SNX33: variants seen among roughly 807,000 people sequenced by gnomAD.
SNX33 encodes the protein sorting nexin-33.
Under a neutral mutation model 38.8 loss-of-function variants are expected in SNX33, and 19 were observed. The observed-to-expected ratio is 0.49, with a 90% confidence interval of 0.34 to 0.72. SNX33 has a LOEUF of 0.72. Among genes scored for constraint, SNX33 ranks in the 30% least tolerant of loss-of-function variants. The pLI is 0.01. For synonymous variants in SNX33, 246 were observed against 289.7 expected (o/e 0.85, Z 1.53); for missense variants, 641 against 776.4 (o/e 0.83, Z 2.07).
chr15:75,649,066 C>T lies in SNX33; in HGVS notation c.-37C>T, dbSNP rs1414451229. ...GAGCATCCCCGGTCTGGGCAGGACC[C>T]TCTCCTTCCCATCTTTCTATACCAC... On this transcript the variant is annotated 5_prime_UTR_variant, in exon 1 of 2. Coordinates refer to ENST00000308527, the MANE Select transcript of SNX33 (RefSeq NM_153271.2). This position sits in a 1 kb window ranked among gnomAD's most constrained non-coding sequence, Gnocchi z 6.6. The T allele has an allele frequency of 6.5e-7, 1 of 1,546,804 alleles. No homozygotes were observed. Among genetic ancestry groups the T allele is most frequent in the Admixed American group, 1.9e-5 (1 of 51,834 alleles).
chr15:75,651,048 T>C (rs1419417835), intron 1 of SNX33, among the ~76,000 whole-genome samples: 2 of 152,236 alleles, frequency 1.3e-5, no homozygotes, highest in African/African-American at 4.8e-5. Context: ...CCATCATGCA[T>C]GGTGTCATGC....
At position 75,650,527 on chromosome 15, in the gene SNX33, C is replaced by T. The variant is rs759248544; in HGVS notation, c.1425C>T (p.Tyr475=). ...LFQMLDTLSL[Y]QGLLSNFPDI... Reference sequence around the variant, plus strand: ...AGATGCTGGACACACTGTCTCTCTACCAGGGCCTGCTCTCCAACTTCCCTG... The same window carrying T: ...AGATGCTGGACACACTGTCTCTCTATCAGGGCCTGCTCTCCAACTTCCCTG... Residue 475 remains tyrosine, a synonymous_variant, in exon 1 of 2, where the codon TAC becomes TAT. Coordinates refer to ENST00000308527, the MANE Select transcript of SNX33 (RefSeq NM_153271.2). This position sits in a 1 kb window ranked among gnomAD's most constrained non-coding sequence, Gnocchi z 6.1. The T allele has an allele frequency of 6.2e-7, 1 of 1,611,064 alleles. No individual in the cohort carries two copies. The highest frequency in any genetic ancestry group is 2.2e-5 in the East Asian group (1 of 44,872).
Position 75,649,643 on chromosome 15 carries a change from C to G in SNX33, c.541C>G (p.Arg181Gly). ...ASAKRGSVVG[R>G]NLNRFSCFVR... ...TGCCAAGCGAGGCAGTGTGGTGGGC[C>G]GTAACCTCAACCGTTTCTCATGCTT... Residue 181 changes from arginine (R) to glycine (G), a missense_variant, in exon 1 of 2, where the codon CGT (arginine) becomes GGT (glycine). Physicochemically the swap from Arg to Gly is moderately radical, Grantham distance 125. Around this residue, in one of 2 missense-constraint regions of SNX33, gnomAD observed 243 missense variants for 233.9 expected, o/e 1.04. Coordinates refer to ENST00000308527, the MANE Select transcript of SNX33 (RefSeq NM_153271.2). The surrounding 1 kb of genome is among the most constrained non-coding windows in gnomAD (Gnocchi z 6.6). 6.2e-7 allele frequency: 1 copy of G among 1,607,480 alleles called. No individual in the cohort carries two copies.
Position 75,649,993 on chromosome 15 carries a change from C to A in SNX33, c.891C>A (p.Arg297=). ...PHLPEKQATG[R]FEEDFIEKRK... is the part of the protein sequence containing the mutation. ...TGCCTGAGAAGCAGGCCACTGGCCG[C>A]TTCGAGGAGGACTTCATCGAAAAGC... The change falls in exon 1 of 2, where the codon CGC becomes CGA. Residue 297 remains arginine (R), a synonymous_variant. Coordinates refer to ENST00000308527, the MANE Select transcript of SNX33 (RefSeq NM_153271.2). This position sits in a 1 kb window ranked among gnomAD's most constrained non-coding sequence, Gnocchi z 6.6. The A allele has an allele frequency of 6.2e-7, 1 of 1,601,960 alleles. No individual in the cohort carries two copies.
At chr15:75,656,471 G>T (rs1353699102) in intron 1 of SNX33, among the ~76,000 whole-genome samples, 2 of 152,200 alleles carry the variant, frequency 1.3e-5, no homozygotes, top group African/African-American at 4.8e-5. Context: ...AGCTAGGAAA[G>T]GTGCCCAGCT....
In SNX33 at chr15:75,649,794, C is replaced by T. The variant is rs775834713; in HGVS notation, c.692C>T (p.Ala231Val). ...PQWKANPHPF[A>V]CSVEDPTKQT... ...TGGAAGGCCAATCCCCACCCATTTG[C>T]CTGCTCTGTGGAGGACCCCACAAAA... The change falls in exon 1 of 2, where the codon GCC becomes GTC. Residue 231 changes from alanine to valine, a missense_variant. Around this residue, in one of 2 missense-constraint regions of SNX33, gnomAD observed 398 missense variants for 542.5 expected, o/e 0.73. Coordinates refer to ENST00000308527, the MANE Select transcript of SNX33 (RefSeq NM_153271.2). This position sits in a 1 kb window ranked among gnomAD's most constrained non-coding sequence, Gnocchi z 6.6. 3.9e-6 allele frequency: 6 copies of T among 1,520,986 alleles called. No individual in the cohort carries two copies. Among genetic ancestry groups the T allele is most frequent in the Non-Finnish European group, 4.4e-6 (5 of 1,134,048 alleles). 94.2% of individuals were successfully genotyped at this position (1,520,986 alleles called of 1,614,324 possible).
In SNX33 at chr15:75,648,957, G is replaced by T. The variant is rs575448571; in HGVS notation, c.-146G>T. 88 of 978,340 alleles carry T rather than the reference G, an allele frequency of 9.0e-5. No homozygotes were observed. In the African/African-American group the frequency reaches 1.3e-3, roughly 15 times the overall value. The allele number at this position is 978,340 out of a possible 1,614,324, so 60.6% of individuals were successfully genotyped here. On this transcript the variant is annotated 5_prime_UTR_variant, in exon 1 of 2. Transcript: ENST00000308527. The surrounding 1 kb of genome is among the most constrained non-coding windows in gnomAD (Gnocchi z 4.4). ...AGGGGGAGACTGGACAGCATCTGTG[G>T]GTGCTGAGACCCCACCTTAGGACCT...
intron 1 of SNX33, among the ~76,000 whole-genome samples, chr15:75,654,111 A>AAG (rs1893622119): frequency 6.6e-6 from 1 of 151,890 alleles, no homozygotes; most frequent in African/African-American, 2.4e-5. Context: ...AAAAAAAAAA[A>AAG]AAAAGAAAAG....
At chr15:75,654,126 G>A (rs1350550612) in intron 1 of SNX33, among the ~76,000 whole-genome samples, 2 of 149,948 alleles carry the variant, frequency 1.3e-5, no homozygotes, top group African/African-American at 4.9e-5. Context: ...GAAAAGAAAA[G>A]CAGTTTTCAA....
chr15:75,649,657 T>C lies in SNX33; in HGVS notation c.555T>C (p.Arg185=), dbSNP rs1427550645. ...RGSVVGRNLN[R]FSCFVRSGVE... is the part of the protein sequence containing the mutation. ...GTGTGGTGGGCCGTAACCTCAACCG[T>C]TTCTCATGCTTTGTGCGTTCTGGAG... The change falls in exon 1 of 2, where the codon CGT becomes CGC. Residue 185 remains arginine (R), a synonymous_variant. Coordinates refer to ENST00000308527, the MANE Select transcript of SNX33 (RefSeq NM_153271.2). The surrounding 1 kb of genome is among the most constrained non-coding windows in gnomAD (Gnocchi z 6.6). The C allele has an allele frequency of 6.3e-7, 1 of 1,597,356 alleles. No individual in the cohort carries two copies.
chr15:75,653,103 C>A (rs534300389), intron 1 of SNX33, among the ~76,000 whole-genome samples: 28 of 152,176 alleles, frequency 1.8e-4, no homozygotes, highest in African/African-American at 6.7e-4. Flanking sequence ...TAAAATGGGA[C>A]CCGAGGGTCT....
Position 75,648,721 on chromosome 15 carries a change from G to T in SNX33, c.-382G>T. On this transcript the variant is annotated 5_prime_UTR_variant, in exon 1 of 2. Coordinates refer to ENST00000308527, the MANE Select transcript of SNX33 (RefSeq NM_153271.2). The surrounding 1 kb of genome is among the most constrained non-coding windows in gnomAD (Gnocchi z 4.4). ...TCTTCTATTTTAGAACGTTGTTCCA[G>T]TGGAAAGTGTCGAATTTTTCCCCTC... 4.5e-6 allele frequency: 1 copy of T among 224,406 alleles called. No individual in the cohort carries two copies. The highest frequency in any genetic ancestry group is 7.7e-6 in the Non-Finnish European group (1 of 130,706). 13.9% of individuals were successfully genotyped at this position (224,406 alleles called of 1,614,324 possible).
Position 75,657,355 on chromosome 15 carries a change from G to A in SNX33, c.*140G>A. ...AAGCGGCCTGTCCTGCCTCCTGGGAGAAGGAGCTTTCAAGGAGTCATGGGT... is the reference window on the plus strand; with the variant it reads ...AAGCGGCCTGTCCTGCCTCCTGGGAAAAGGAGCTTTCAAGGAGTCATGGGT... On this transcript the variant is annotated 3_prime_UTR_variant, in exon 2 of 2. Coordinates refer to ENST00000308527, the MANE Select transcript of SNX33 (RefSeq NM_153271.2). This position sits in a 1 kb window ranked among gnomAD's most constrained non-coding sequence, Gnocchi z 5.5. 7.1e-7 allele frequency: 1 copy of A among 1,411,816 alleles called. No individual in the cohort carries two copies. Among genetic ancestry groups the A allele is most frequent in the Non-Finnish European group, 9.6e-7 (1 of 1,041,508 alleles). The allele number at this position is 1,411,816 out of a possible 1,614,324, so 87.5% of individuals were successfully genotyped here. A position where few individuals can be genotyped will look rare whatever the true frequency, so the allele number is the denominator to read the frequency against.
Position 75,649,435 on chromosome 15 carries a change from GGAT to G in SNX33, c.345_347del (p.Asp116del), listed in dbSNP as rs1566966360. 5.9e-6 allele frequency: 9 copies of G among 1,537,678 alleles called. No individual in the cohort carries two copies. The highest frequency in any genetic ancestry group is 1.4e-5 in the African/African-American group (1 of 73,102). Reference sequence around the variant, plus strand: ...TCTCAAACCAGGGTAGCTTTGAGGAGGATGATGATGATGACTGGGATGACTGGG... The same window carrying G: ...TCTCAAACCAGGGTAGCTTTGAGGAGGATGATGATGACTGGGATGACTGGG... On this transcript the variant is annotated inframe_deletion, in exon 1 of 2. Transcript: ENST00000308527. This position sits in a 1 kb window ranked among gnomAD's most constrained non-coding sequence, Gnocchi z 6.6.
rs751465424 is a variant in SNX33 at position 75,649,367 on chromosome 15, A to G, written c.265A>G (p.Ser89Gly). 4 of 1,559,868 alleles carry G rather than the reference A, an allele frequency of 2.6e-6. No homozygotes were observed. Among genetic ancestry groups the G allele is most frequent in the Non-Finnish European group, 3.5e-6 (4 of 1,150,264 alleles). Residue 89 changes from serine (S) to glycine (G), a missense_variant, in exon 1 of 2, where the codon AGT (serine) becomes GGT (glycine). Physicochemically the swap from Ser to Gly is moderately conservative, Grantham distance 56. Around this residue, in one of 2 missense-constraint regions of SNX33, gnomAD observed 243 missense variants for 233.9 expected, o/e 1.04. Coordinates refer to ENST00000308527, the MANE Select transcript of SNX33 (RefSeq NM_153271.2). This position sits in a 1 kb window ranked among gnomAD's most constrained non-coding sequence, Gnocchi z 6.6. ...GAQVSLYNSP[S>G]VASPARSGGG... ...CCAGGTGAGCTTGTACAACAGCCCC[A>G]GTGTGGCCAGCCCAGCTAGGAGTGG...
Position 75,648,215 on chromosome 15 carries a change from G to A in SNX33, c.-888G>A. The stretch of plus-strand genomic sequence containing the variant: ...TCCTGGGATTCAGAGCAGGGTCAGC[G>A]TCAGGCTCAGAAACTGCTGAGGAAT... On this transcript the variant is annotated 5_prime_UTR_variant, in exon 1 of 2. Transcript: ENST00000308527. This position sits in a 1 kb window ranked among gnomAD's most constrained non-coding sequence, Gnocchi z 4.4. 1 of 985,480 alleles carries A rather than the reference G, an allele frequency of 1.0e-6. No homozygotes were observed. Among genetic ancestry groups the A allele is most frequent in the Non-Finnish European group, 1.2e-6 (1 of 829,958 alleles). 61.0% of individuals were successfully genotyped at this position (985,480 alleles called of 1,614,324 possible). A position where few individuals can be genotyped will look rare whatever the true frequency, so the allele number is the denominator to read the frequency against.
Position 75,657,264 on chromosome 15 carries a change from G to A in SNX33, c.*49G>A, listed in dbSNP as rs369427070. 1.2e-5 allele frequency: 19 copies of A among 1,605,778 alleles called. No homozygotes were observed. In the African/African-American group the frequency reaches 2.5e-4, roughly 21 times the overall value. On this transcript the variant is annotated 3_prime_UTR_variant, in exon 2 of 2. Coordinates refer to ENST00000308527, the MANE Select transcript of SNX33 (RefSeq NM_153271.2). This position sits in a 1 kb window ranked among gnomAD's most constrained non-coding sequence, Gnocchi z 5.5. The stretch of plus-strand genomic sequence containing the variant: ...TTCCCCTGGGCCTGGTCACTGCAGT[G>A]TACCCCACTTTCCCGACCTCCCTAT...
chr15:75,650,401 C>G lies in SNX33; in HGVS notation c.1299C>G (p.Pro433=). The stretch of plus-strand genomic sequence containing the variant: ...GTCATTCCTTCCAGATGGACCCCCC[C>G]TTTTGCTCTGAGGCCCTCAACAGTG... ...AISHSFQMDP[P]FCSEALNSAI... is the part of the protein sequence containing the mutation. Residue 433 remains proline (P), a synonymous_variant, in exon 1 of 2, where the codon CCC becomes CCG. Transcript: ENST00000308527. This position sits in a 1 kb window ranked among gnomAD's most constrained non-coding sequence, Gnocchi z 6.1. 1 of 1,613,834 alleles carries G rather than the reference C, an allele frequency of 6.2e-7. No individual in the cohort carries two copies. The highest frequency in any genetic ancestry group is 8.5e-7 in the Non-Finnish European group (1 of 1,179,902).
rs532973127 is a variant in SNX33, at chr15:75,650,731, C to A, written c.1471+158C>A. On this transcript the variant is annotated intron_variant, in intron 1 of 1. Transcript: ENST00000308527. The surrounding 1 kb of genome is among the most constrained non-coding windows in gnomAD (Gnocchi z 6.1). Reference sequence around the variant, plus strand: ...GTGTTGGGCTGGGCACGGTGGCTTACGCTTGTAATCTCAGCACTTTGGGAG... The same window carrying A: ...GTGTTGGGCTGGGCACGGTGGCTTAAGCTTGTAATCTCAGCACTTTGGGAG... Among the ~76,000 whole-genome samples the A allele has an allele frequency of 2.6e-4, 40 of 152,268 alleles. No homozygotes were observed. Among genetic ancestry groups the A allele is most frequent in the African/African-American group, 9.6e-4 (40 of 41,552 alleles).
Sources: allele counts gnomAD v4.1 joint callset (sites outside exome capture counted in the v4.1 genomes callset), GRCh38; gene constraint gnomAD v4.1.1; regional missense constraint gnomAD v4.1.1; non-coding constraint Gnocchi (gnomAD v3.1); transcripts MANE v1.5; gene names NCBI Gene and HGNC (gene_info 2026-07-23, HGNC 2026-07-21).